C16orf89: variants seen among roughly 807,000 people sequenced by gnomAD.
The protein encoded by C16orf89 is chromosome 16 open reading frame 89.
A neutral mutation model predicts 41.5 loss-of-function variants in C16orf89; 57 were observed. That is an observed-to-expected ratio of 1.38 (90% CI 1.11 to 1.71). The LOEUF is 1.71. Among genes scored for constraint, C16orf89 ranks in the 40% most tolerant of loss-of-function variants. The probability of loss-of-function intolerance (pLI) is 0.00; values close to 1 mark genes in which losing one functional copy is unlikely to be tolerated. For missense variants in C16orf89, 575 were observed against 445.9 expected, an observed-to-expected ratio of 1.29 and a Z score of -2.61; for synonymous variants, 223 against 190.6, an observed-to-expected ratio of 1.17 and a Z score of -1.40.
chr16:5,065,800 C>T lies in C16orf89; in HGVS notation c.109G>A (p.Asp37Asn), dbSNP rs560610415. Reference protein sequence around the residue: ...DTAESKATIADLILSALERAT... With the variant: ...DTAESKATIANLILSALERAT... ...CTCTCCAGCGCAGACAGGATCAGGT[C>T]TGCAATGGTGGCTTTACTTTCAGCA... Residue 37 changes from aspartate (D) to asparagine (N), a missense_variant, in exon 1 of 8, where the codon GAC (aspartate) becomes AAC (asparagine). By Grantham distance (23) the Asp-to-Asn change is conservative (BLOSUM62 1). Coordinates refer to ENST00000472572, the MANE Select transcript of C16orf89 (RefSeq NM_001098514.3). 1 of 1,614,192 alleles carries T rather than the reference C, an allele frequency of 6.2e-7. No individual in the cohort carries two copies. Among genetic ancestry groups the T allele is most frequent in the Non-Finnish European group, 8.5e-7 (1 of 1,179,992 alleles).
At chr16:5,058,348 G>T in intron 4 of C16orf89, 145 bp downstream of exon 4, 1 of 632,104 alleles carries the variant, frequency 1.6e-6, no homozygotes, top group Non-Finnish European at 2.7e-6. Context: ...GGCCCAGCTG[G>T]TTTTGAACTC....
At chr16:5,058,863 A>G (rs898112234) in intron 3 of C16orf89, among the ~76,000 whole-genome samples, 2 of 152,102 alleles carry the variant, frequency 1.3e-5, no homozygotes, top group African/African-American at 2.4e-5. Context: ...CTATTGCTCC[A>G]TGGGCCAAAT....
intron 7 of C16orf89, among the ~76,000 whole-genome samples, chr16:5,045,444 G>A (rs1330901560): frequency 1.3e-5 from 2 of 152,164 alleles, no homozygotes; most frequent in Non-Finnish European, 2.9e-5. Context: ...TGGGCTGCAC[G>A]CCTCTAGTCT....
chr16:5,045,189 G>A (rs1026792737), intron 7 of C16orf89, among the ~76,000 whole-genome samples: 4 of 152,186 alleles, frequency 2.6e-5, no homozygotes, highest in Non-Finnish European at 5.9e-5. Context: ...CCCACGCACC[G>A]GAGTCCTGTC....
downstream of C16orf89, chr16:5,043,052 T>C (rs1178695972): frequency 6.6e-6 from 1 of 152,174 alleles, no homozygotes; most frequent in Non-Finnish European, 1.5e-5. Flanking sequence ...GGAGGTAACA[T>C]TGAGGTAGGG....
In C16orf89 at chr16:5,046,125, G is replaced by A. The variant is rs1198345802; in HGVS notation, c.956-1647C>T. 2.6e-5 allele frequency among the ~76,000 whole-genome samples: 4 copies of A among 152,066 alleles called. No homozygotes were observed. In the South Asian group the frequency reaches 6.2e-4, roughly 24 times the overall value. On this transcript the variant is annotated intron_variant, in intron 7 of 7. Coordinates refer to ENST00000472572, the MANE Select transcript of C16orf89 (RefSeq NM_001098514.3). ...TGGGAACTTCTCTCCCTTCTCCTGC[G>A]TGACTTTTGGTGGCAGCTACGAAAC...
chr16:5,062,292 A>T, intron 2 of C16orf89, 133 bp downstream of exon 2: 4 of 1,163,944 alleles, frequency 3.4e-6, no homozygotes, highest in Non-Finnish European at 4.6e-6. Flanking sequence ...TGGCTTGCTC[A>T]GCAGACAGGT....
intron 6 of C16orf89, 37 bp downstream of exon 6, chr16:5,055,209 T>A: frequency 1.4e-3 from 1,599 of 1,140,326 alleles, no homozygotes; most frequent in Non-Finnish European, 1.9e-3. Context: ...CCACCCCCAC[T>A]GCCCCCCTTC....
chr16:5,056,594 G>A (rs924437376), intron 4 of C16orf89, among the ~76,000 whole-genome samples: 1 of 152,098 alleles, frequency 6.6e-6, no homozygotes, highest in Non-Finnish European at 1.5e-5. Context: ...AATGTACAAC[G>A]AGCCTGAACC....
At chr16:5,044,937 G>A in intron 7 of C16orf89, 1 of 1,214,912 alleles carries the variant, frequency 8.2e-7, no homozygotes, top group Non-Finnish European at 1.0e-6. Context: ...CTTTTGCTGG[G>A]CCGGGTGCTC....
intron 3 of C16orf89, 104 bp downstream of exon 3, chr16:5,060,182 C>T (rs1956586498): frequency 2.2e-6 from 3 of 1,377,854 alleles, no homozygotes; most frequent in Admixed American, 2.2e-5. Flanking sequence ...TCTGCACAAA[C>T]CCCTGGCTTC....
intron 4 of C16orf89, 105 bp from the exon 5 acceptor site, chr16:5,056,293 C>A: frequency 8.6e-7 from 1 of 1,158,294 alleles, no homozygotes; most frequent in Non-Finnish European, 1.2e-6. Context: ...TTGCAAGGGG[C>A]TGTGTTTAGG....
intron 7 of C16orf89, 60 bp from the exon 8 acceptor site, chr16:5,044,538 C>T: frequency 6.2e-7 from 1 of 1,603,718 alleles, no homozygotes; most frequent in East Asian, 2.2e-5. Flanking sequence ...TTATTCAACA[C>T]AGTCTCATTG....
At chr16:5,048,515 A>G (rs1213417631) in intron 6 of C16orf89, among the ~76,000 whole-genome samples, 1 of 152,168 alleles carries the variant, frequency 6.6e-6, no homozygotes. Context: ...TGGCTCCCCA[A>G]ACACCCACCA....
rs748355808 is a variant in C16orf89, at chr16:5,060,375, A to G, written c.420T>C (p.Asp140=). ...CGAACGTGGGGTACACCAAGGAGGC[A>G]TCAGTGTGGATCCAGGCATGTGGGA... is the stretch of plus-strand genomic sequence containing the variant. ...WKLPHAWIHT[D]ASLVYPTFGP... Residue 140 remains aspartate, a synonymous_variant, in exon 3 of 8, where the codon GAT becomes GAC. Coordinates refer to ENST00000472572, the MANE Select transcript of C16orf89 (RefSeq NM_001098514.3). 1.9e-6 allele frequency: 3 copies of G among 1,613,486 alleles called. No individual in the cohort carries two copies. Among genetic ancestry groups the G allele is most frequent in the South Asian group, 1.1e-5 (1 of 91,074 alleles).
At position 5,058,607 on chromosome 16, in the gene C16orf89, C is replaced by G. The variant is rs148248988; in HGVS notation, c.513G>C (p.Thr171=). Residue 171 remains threonine, a synonymous_variant, in exon 4 of 8, where the codon ACG becomes ACC. Coordinates refer to ENST00000472572, the MANE Select transcript of C16orf89 (RefSeq NM_001098514.3). ...VCLVQLLGTG[T]DSSEPCGLSD... ...AGAGGCCGCAGGGCTCGCTGCTGTC[C>G]GTCCTGGGGGAAAGTGGTTCCAAGC... The G allele has an allele frequency of 6.2e-7, 1 of 1,609,014 alleles. No individual in the cohort carries two copies.
At chr16:5,050,934 AGAAT>A (rs1258513995) in intron 6 of C16orf89, among the ~76,000 whole-genome samples, 2 of 152,252 alleles carry the variant, frequency 1.3e-5, no homozygotes, top group Non-Finnish European at 2.9e-5. Context: ...TTACACCAAT[AGAAT>A]GAAAGACAAA....
chr16:5,044,643 A>G, intron 7 of C16orf89, 165 bp from the exon 8 acceptor site: 1 of 1,345,424 alleles, frequency 7.4e-7, no homozygotes, highest in East Asian at 2.7e-5. Flanking sequence ...GGAGTTCGAG[A>G]CCAGCATGAG....
downstream of C16orf89, chr16:5,042,780 C>G (rs1408246847): frequency 6.6e-6 from 1 of 152,270 alleles, no homozygotes; most frequent in Non-Finnish European, 1.5e-5. This position sits in a 1 kb window ranked among gnomAD's most constrained non-coding sequence, Gnocchi z 4.2. Context: ...CATAATGTCC[C>G]AGAAGGTTTT....
Sources: gnomAD v4.1 joint callset for allele counts (sites outside exome capture counted in the v4.1 genomes callset) on GRCh38, gnomAD v4.1.1 for gene constraint, Gnocchi (gnomAD v3.1) non-coding constraint, MANE v1.5 for transcripts, NCBI Gene and HGNC (gene_info 2026-07-23, HGNC 2026-07-21) for gene names.